The following ERC2 variants were observed in gnomAD, a reference collection of about 807,000 sequenced individuals.
The protein encoded by ERC2 is ELKS/RAB6-interacting/CAST family member 2, also known as ERC protein 2.
In ERC2, 42 loss-of-function variants were observed where a neutral mutation model predicts 114.8. The ratio of observed to expected loss-of-function variants is 0.37; its 90% CI spans 0.29 to 0.47. The LOEUF is 0.47. Ranked by LOEUF, ERC2 falls within the 20% of genes least tolerant of loss-of-function variation. The probability of loss-of-function intolerance (pLI) is 0.99; values close to 1 mark genes in which losing one functional copy is unlikely to be tolerated. For missense variants in ERC2, 939 were observed against 1,150.7 expected, an observed-to-expected ratio of 0.82 and a Z score of 2.66; for synonymous variants, 454 against 425.5, an observed-to-expected ratio of 1.07 and a Z score of -0.82.
At chr3:55,800,301 G>T (rs1001939877) in intron 14 of ERC2, among the ~76,000 whole-genome samples, 2 of 151,956 alleles carry the variant, frequency 1.3e-5, no homozygotes, top group African/African-American at 4.8e-5. Flanking sequence ...GTGCTACCAC[G>T]CCCGGCTAAT....
chr3:55,607,608 T>A (rs2058693980), intron 17 of ERC2, among the ~76,000 whole-genome samples: 1 of 91,552 alleles, frequency 1.1e-5, no homozygotes. Context: ...ACTTAGAAAA[T>A]AGTGTGTTTT....
chr3:55,857,511 T>C (rs991471187), intron 14 of ERC2, among the ~76,000 whole-genome samples: 5 of 152,208 alleles, frequency 3.3e-5, no homozygotes, highest in Admixed American at 3.3e-4. Context: ...ACCACTATTA[T>C]CTAAAACTTT....
intron 3 of ERC2, among the ~76,000 whole-genome samples, chr3:56,289,723 C>T (rs1484188071): frequency 2.0e-5 from 3 of 152,296 alleles, no homozygotes; most frequent in Middle Eastern, 3.4e-3. Context: ...CTGGTTCTAC[C>T]GTGGATGAAG....
chr3:56,454,185 A>G (rs1218385324), intron 1 of ERC2, among the ~76,000 whole-genome samples: 5 of 152,210 alleles, frequency 3.3e-5, no homozygotes, highest in Non-Finnish European at 7.3e-5. Context: ...ACTAGTTTAC[A>G]CTTGCAATTA....
chr3:55,696,029 G>A (rs1161902802), intron 16 of ERC2, among the ~76,000 whole-genome samples: 1 of 152,138 alleles, frequency 6.6e-6, no homozygotes, highest in African/African-American at 2.4e-5. Flanking sequence ...CTTTCCTCAT[G>A]GGACTAATGT....
At chr3:56,332,326 C>A (rs567921799) in intron 2 of ERC2, among the ~76,000 whole-genome samples, 1 of 152,324 alleles carries the variant, frequency 6.6e-6, no homozygotes, top group East Asian at 1.9e-4. Flanking sequence ...CCATAATAAT[C>A]ATCATCATAA....
chr3:56,449,281 G>C (rs1267258266), intron 1 of ERC2, among the ~76,000 whole-genome samples: 3 of 152,036 alleles, frequency 2.0e-5, no homozygotes, highest in African/African-American at 7.2e-5. Context: ...ATTTAGGCAA[G>C]GAGGTCACAG....
intron 7 of ERC2, among the ~76,000 whole-genome samples, chr3:56,032,981 AAG>A (rs1475255461): frequency 3.2e-5 from 2 of 62,410 alleles, no homozygotes; most frequent in Non-Finnish European, 6.8e-5. Flanking sequence ...AAGAAAGAGA[AAG>A]AAAGAAAGAA....
Position 55,883,999 on chromosome 3 carries a change from T to A in ERC2, c.2564+4390A>T, listed in dbSNP as rs572504389. ...ACTGGAGAAATTTGAAGAAGGCTGG[T>A]AGATTGTACCAATATCAATTTCCTC... is the stretch of plus-strand genomic sequence containing the variant. On this transcript the variant is annotated intron_variant, in intron 14 of 17. Transcript: ENST00000288221. Among the ~76,000 whole-genome samples the A allele has an allele frequency of 6.6e-4, 101 of 152,332 alleles. 1 individual carries two copies. Among genetic ancestry groups the A allele is most frequent in the Non-Finnish European group, 1.1e-3 (78 of 68,038 alleles).
intron 13 of ERC2, among the ~76,000 whole-genome samples, chr3:55,941,554 C>T (rs2066797444): frequency 6.6e-6 from 1 of 152,184 alleles, no homozygotes; most frequent in Non-Finnish European, 1.5e-5. Context: ...TCTGAGAGCA[C>T]CCTCAATAAA....
At chr3:55,932,986 A>G (rs1363097692) in intron 13 of ERC2, among the ~76,000 whole-genome samples, 2 of 152,242 alleles carry the variant, frequency 1.3e-5, no homozygotes, top group Admixed American at 6.5e-5. Flanking sequence ...AGGTGGGTGG[A>G]TCACTTGAGG....
At position 55,771,561 on chromosome 3, in the gene ERC2, G is replaced by A. The variant is rs139755815; in HGVS notation, c.2565-36643C>T. 5.9e-3 allele frequency among the ~76,000 whole-genome samples: 893 copies of A among 152,282 alleles called. 11 individuals are homozygous for A. Among genetic ancestry groups the A allele is most frequent in the African/African-American group, 0.02 (841 of 41,544 alleles). On this transcript the variant is annotated intron_variant, in intron 14 of 17. Coordinates refer to ENST00000288221, the MANE Select transcript of ERC2 (RefSeq NM_015576.3). The stretch of plus-strand genomic sequence containing the variant: ...TCTTAACCTCTCTTGTGACTTGTTC[G>A]TGGTGGAAAAATTAGAAGATGAAAA...
At chr3:56,007,502 A>G (rs373488899) in intron 9 of ERC2, among the ~76,000 whole-genome samples, 181 bp from the exon 10 acceptor site, 2 of 152,148 alleles carry the variant, frequency 1.3e-5, no homozygotes, top group Non-Finnish European at 2.9e-5. Flanking sequence ...GCCAGCTTAC[A>G]GAACGAGTAG....
chr3:55,765,081 G>C (rs1052145909), intron 14 of ERC2, among the ~76,000 whole-genome samples: 6 of 152,110 alleles, frequency 3.9e-5, no homozygotes, highest in African/African-American at 1.4e-4. Flanking sequence ...GTCTTCCAAT[G>C]TCAGAAAAAT....
At chr3:55,792,158 A>C (rs1473872042) in intron 14 of ERC2, among the ~76,000 whole-genome samples, 1 of 152,232 alleles carries the variant, frequency 6.6e-6, no homozygotes. Flanking sequence ...TGCATAATTC[A>C]TGGCTAAACC....
intron 2 of ERC2, among the ~76,000 whole-genome samples, chr3:56,354,030 C>A (rs1370896589): frequency 6.6e-6 from 1 of 152,122 alleles, no homozygotes; most frequent in Admixed American, 6.5e-5. Flanking sequence ...TGGCAGGAAT[C>A]AGGCAGCCTG....
intron 17 of ERC2, among the ~76,000 whole-genome samples, chr3:55,524,268 T>C (rs1373569727): frequency 6.6e-6 from 1 of 152,028 alleles, no homozygotes; most frequent in East Asian, 1.9e-4. Context: ...CATGCCCAGG[T>C]TATGTATGGG....
chr3:55,993,350 TA>T (rs1401699766), intron 10 of ERC2, among the ~76,000 whole-genome samples: 1 of 152,156 alleles, frequency 6.6e-6, no homozygotes, highest in Admixed American at 6.6e-5. Context: ...AGCAGATATT[TA>T]TTGTGTTTTT....
chr3:56,405,754 C>G (rs1200859719), intron 2 of ERC2, among the ~76,000 whole-genome samples: 2 of 152,068 alleles, frequency 1.3e-5, no homozygotes. Context: ...ATCTCCTCCA[C>G]TATTGGATAT....
Sources: allele counts gnomAD v4.1 joint callset (sites outside exome capture counted in the v4.1 genomes callset), GRCh38; gene constraint gnomAD v4.1.1; transcripts MANE v1.5; gene names NCBI Gene and HGNC (gene_info 2026-07-23, HGNC 2026-07-21).